The following NRXN3 variants were observed in gnomAD, a reference collection of about 807,000 sequenced individuals.
The protein encoded by NRXN3 is neurexin III.
A neutral mutation model predicts 137.6 loss-of-function variants in NRXN3; 32 were observed. The observed-to-expected ratio is 0.23, with a 90% CI of 0.18 to 0.31. The LOEUF (loss-of-function observed/expected upper bound fraction) is 0.31. Ranked by LOEUF, NRXN3 falls within the 10% of genes least tolerant of loss-of-function variation. NRXN3 has a pLI of 1.00. For synonymous variants in NRXN3, 798 were observed against 784.5 expected (o/e 1.02, Z -0.29); for missense variants, 1,574 against 2,062.5 (o/e 0.76, Z 4.59).
At chr14:79,330,052 G>A (rs950617510) in intron 15 of NRXN3, among the ~76,000 whole-genome samples, 1 of 151,960 alleles carries the variant, frequency 6.6e-6, no homozygotes, top group Non-Finnish European at 1.5e-5. Context: ...GGATGATCTT[G>A]ATCTCTTGAC....
chr14:79,684,681 G>A (rs1282747411), intron 17 of NRXN3, among the ~76,000 whole-genome samples: 7 of 152,110 alleles, frequency 4.6e-5, no homozygotes, highest in Non-Finnish European at 7.3e-5. Flanking sequence ...GCTGTGTGGG[G>A]ACACCACATA....
intron 15 of NRXN3, among the ~76,000 whole-genome samples, chr14:79,092,748 C>A (rs1472580892): frequency 1.3e-5 from 2 of 152,056 alleles, no homozygotes; most frequent in African/African-American, 4.8e-5. Context: ...CTAAATGAGC[C>A]CCAGGAAGGA....
chr14:79,539,863 C>T (rs2097255172), intron 16 of NRXN3, among the ~76,000 whole-genome samples: 1 of 152,110 alleles, frequency 6.6e-6, no homozygotes, highest in African/African-American at 2.4e-5. Context: ...TCCTTGATTC[C>T]TCATGTTTCT....
chr14:79,009,436 C>T (rs1474784711), intron 15 of NRXN3, among the ~76,000 whole-genome samples: 2 of 152,078 alleles, frequency 1.3e-5, no homozygotes, highest in Admixed American at 6.6e-5. Context: ...AGAGTCAGTG[C>T]GATGCTAAAC....
intron 8 of NRXN3, among the ~76,000 whole-genome samples, chr14:78,775,717 T>G (rs182798516): frequency 1.3e-4 from 20 of 152,352 alleles, no homozygotes; most frequent in Non-Finnish European, 2.8e-4. Flanking sequence ...TTTGAAGACA[T>G]GTTCCTTTCT....
intron 20 of NRXN3, among the ~76,000 whole-genome samples, chr14:79,849,788 A>C (rs2099387928): frequency 6.6e-6 from 1 of 152,170 alleles, no homozygotes; most frequent in Non-Finnish European, 1.5e-5. Context: ...CATCTTGTAG[A>C]GGTATCTGCA....
At chr14:79,272,344 G>GA (rs145948222) in intron 15 of NRXN3, among the ~76,000 whole-genome samples, 2,176 of 151,644 alleles carry the variant, frequency 0.014, 19 homozygotes, top group Non-Finnish European at 0.024. Flanking sequence ...TGTTCATGGA[G>GA]AAAATGAATC....
chr14:78,825,918 A>T (rs956038463), intron 10 of NRXN3, among the ~76,000 whole-genome samples: 2 of 152,230 alleles, frequency 1.3e-5, no homozygotes, highest in African/African-American at 4.8e-5. Context: ...GGGATTGACT[A>T]TTCAGTTGAA....
chr14:78,972,857 C>A (rs1373148287), intron 14 of NRXN3: 2 of 152,242 alleles, frequency 1.3e-5, no homozygotes, highest in African/African-American at 2.4e-5. Flanking sequence ...ATTGTTTTCG[C>A]TTTTTCTGTT....
At chr14:79,458,179 A>C (rs2096281340) in intron 15 of NRXN3, among the ~76,000 whole-genome samples, 1 of 152,142 alleles carries the variant, frequency 6.6e-6, no homozygotes, top group Admixed American at 6.5e-5. Context: ...AACAATTTGC[A>C]ATGTGATTTA....
At chr14:79,233,031 T>G (rs113902248) in intron 15 of NRXN3, among the ~76,000 whole-genome samples, 4,570 of 152,240 alleles carry the variant, frequency 0.03, 106 homozygotes, top group Non-Finnish European at 0.045. Flanking sequence ...TTTTCATGTT[T>G]CCTCCAGGAA....
intron 19 of NRXN3, among the ~76,000 whole-genome samples, chr14:79,751,051 C>G (rs371626047): frequency 0.014 from 2,141 of 152,136 alleles, 55 homozygotes; most frequent in African/African-American, 0.049. Flanking sequence ...CTTGGCGATG[C>G]AGGCTCTTTT....
At chr14:79,217,660 G>A (rs1489350221) in intron 15 of NRXN3, among the ~76,000 whole-genome samples, 1 of 152,032 alleles carries the variant, frequency 6.6e-6, no homozygotes, top group Non-Finnish European at 1.5e-5. Context: ...AATCTTTGTG[G>A]CAGAATATAA....
At chr14:78,500,670 C>G (rs1216349157) in intron 4 of NRXN3, among the ~76,000 whole-genome samples, 1 of 152,116 alleles carries the variant, frequency 6.6e-6, no homozygotes, top group Non-Finnish European at 1.5e-5. Context: ...ACCTTAGGGT[C>G]CTAAGAGAAG....
At chr14:78,589,457 A>G (rs577819548) in intron 4 of NRXN3, among the ~76,000 whole-genome samples, 1 of 152,336 alleles carries the variant, frequency 6.6e-6, no homozygotes, top group East Asian at 1.9e-4. Context: ...TGCCTATGCC[A>G]ATCCTATCCC....
intron 10 of NRXN3, among the ~76,000 whole-genome samples, chr14:78,934,369 G>C (rs2099329806): frequency 6.6e-6 from 1 of 152,142 alleles, no homozygotes; most frequent in South Asian, 2.1e-4. Flanking sequence ...AGCTCAGTCA[G>C]ATGCCCAAGC....
At chr14:79,061,664 G>T (rs2099674475) in intron 15 of NRXN3, among the ~76,000 whole-genome samples, 1 of 152,050 alleles carries the variant, frequency 6.6e-6, no homozygotes, top group Non-Finnish European at 1.5e-5. Context: ...CTTTTTTGAG[G>T]ACATCCAACA....
intron 16 of NRXN3, among the ~76,000 whole-genome samples, chr14:79,617,746 A>G (rs187582495): frequency 1.3e-5 from 2 of 152,186 alleles, no homozygotes; most frequent in Non-Finnish European, 2.9e-5. Context: ...GTGAAAAATG[A>G]GACTGACGAA....
chr14:79,381,809 G>A (rs1033528358), intron 15 of NRXN3, among the ~76,000 whole-genome samples: 3 of 152,054 alleles, frequency 2.0e-5, no homozygotes, highest in African/African-American at 7.2e-5. Context: ...AAATTATAAA[G>A]GCATCAGGCA....
Sources: gnomAD v4.1 joint callset for allele counts (sites outside exome capture counted in the v4.1 genomes callset) on GRCh38, gnomAD v4.1.1 for gene constraint, MANE v1.5 for transcripts, NCBI Gene and HGNC (gene_info 2026-07-23, HGNC 2026-07-21) for gene names.